Variants in JPH1 observed in about 807,000 individuals in gnomAD.
JPH1 encodes the protein junctophilin-1.
A neutral mutation model predicts 53.6 loss-of-function variants in JPH1; 12 were observed. That is an observed-to-expected ratio of 0.22 (90% CI 0.14 to 0.36). The LOEUF (loss-of-function observed/expected upper bound fraction) is 0.36. JPH1 is among the 10% of genes least tolerant of loss of function. The probability of loss-of-function intolerance (pLI) is 1.00; values close to 1 mark genes in which losing one functional copy is unlikely to be tolerated. For synonymous variants in JPH1, 375 were observed against 363.8 expected, an observed-to-expected ratio of 1.03 and a Z score of -0.35; for missense variants, 808 against 905.5, an observed-to-expected ratio of 0.89 and a Z score of 1.38.
chr8:74,265,547 T>C (rs1421648172), intron 2 of JPH1, among the ~76,000 whole-genome samples: 1 of 152,192 alleles, frequency 6.6e-6, no homozygotes, highest in Non-Finnish European at 1.5e-5. Context: ...AAAAATCTGA[T>C]GTAGAAATAT....
chr8:74,261,700 TC>T (rs1323729585), intron 2 of JPH1, among the ~76,000 whole-genome samples: 2 of 152,138 alleles, frequency 1.3e-5, no homozygotes, highest in East Asian at 3.9e-4. Flanking sequence ...TAAACTTTTT[TC>T]CCCCAAATGA....
intron 2 of JPH1, among the ~76,000 whole-genome samples, chr8:74,279,767 T>C (rs541254991): frequency 6.6e-6 from 1 of 152,346 alleles, no homozygotes; most frequent in African/African-American, 2.4e-5. Context: ...ACCCCTTGGC[T>C]TTCCCCTGCC....
intron 3 of JPH1, among the ~76,000 whole-genome samples, chr8:74,250,504 C>T (rs1255132657): frequency 1.3e-5 from 2 of 152,248 alleles, no homozygotes; most frequent in East Asian, 3.8e-4. Flanking sequence ...CAGGAAGGGG[C>T]AGGGCCCCGG....
chr8:74,306,067 T>C (rs1211480942), intron 2 of JPH1, among the ~76,000 whole-genome samples: 1 of 152,210 alleles, frequency 6.6e-6, no homozygotes, highest in Non-Finnish European at 1.5e-5. Context: ...AAGGAGGTTT[T>C]ACAAGGCTGT....
At chr8:74,285,924 G>A (rs761391772) in intron 2 of JPH1, among the ~76,000 whole-genome samples, 1 of 152,212 alleles carries the variant, frequency 6.6e-6, no homozygotes, top group Non-Finnish European at 1.5e-5. Context: ...GTCAGCTGGA[G>A]TGAGGAGGAG....
intron 3 of JPH1, among the ~76,000 whole-genome samples, chr8:74,252,515 T>C (rs1046924345): frequency 8.5e-5 from 13 of 152,076 alleles, no homozygotes; most frequent in African/African-American, 2.9e-4. Flanking sequence ...GCTAACATCA[T>C]AATGACAGGA....
intron 2 of JPH1, among the ~76,000 whole-genome samples, chr8:74,281,440 C>T (rs1286498343): frequency 1.3e-5 from 2 of 152,208 alleles, no homozygotes; most frequent in Non-Finnish European, 2.9e-5. Context: ...ACTAAGTGGA[C>T]AGATGTGTCT....
intron 2 of JPH1, among the ~76,000 whole-genome samples, chr8:74,298,936 A>G (rs1432011820): frequency 1.3e-5 from 2 of 152,226 alleles, no homozygotes; most frequent in Non-Finnish European, 2.9e-5. Flanking sequence ...CGAAACATCA[A>G]CCCAGAATAT....
intron 2 of JPH1, among the ~76,000 whole-genome samples, chr8:74,262,514 C>T (rs745345367): frequency 6.6e-6 from 1 of 152,122 alleles, no homozygotes; most frequent in Non-Finnish European, 1.5e-5. Flanking sequence ...AAGGGGAATA[C>T]GTGCCCCAAA....
intron 3 of JPH1, among the ~76,000 whole-genome samples, chr8:74,251,927 C>T (rs556226530): frequency 2.0e-5 from 3 of 152,266 alleles, no homozygotes; most frequent in Admixed American, 6.5e-5. Context: ...AACTATACTA[C>T]AAGGCTACAG....
chr8:74,297,742 T>C (rs1586765776), intron 2 of JPH1, among the ~76,000 whole-genome samples: 2 of 152,340 alleles, frequency 1.3e-5, no homozygotes, highest in East Asian at 3.9e-4. Flanking sequence ...CAAAGAAAGT[T>C]ATAGATGTGA....
At chr8:74,312,662 C>T (rs1184993474) in intron 2 of JPH1, among the ~76,000 whole-genome samples, 3 of 152,166 alleles carry the variant, frequency 2.0e-5, no homozygotes, top group Non-Finnish European at 4.4e-5. Context: ...ATCTGTTGAA[C>T]AGCAACCCTC....
chr8:74,249,871 C>T, intron 3 of JPH1, among the ~76,000 whole-genome samples: 1 of 151,942 alleles, frequency 6.6e-6, no homozygotes, highest in Non-Finnish European at 1.5e-5. Flanking sequence ...CTAAAGACTT[C>T]ACTCTAAATA....
chr8:74,302,668 G>A (rs969099103), intron 2 of JPH1, among the ~76,000 whole-genome samples: 2 of 152,108 alleles, frequency 1.3e-5, no homozygotes, highest in African/African-American at 4.8e-5. Context: ...GGTGCAAAGA[G>A]CTCCAGGAAA....
At chr8:74,252,360 G>T (rs1380764073) in intron 3 of JPH1, among the ~76,000 whole-genome samples, 1 of 152,120 alleles carries the variant, frequency 6.6e-6, no homozygotes, top group Non-Finnish European at 1.5e-5. Flanking sequence ...CACAGCAAAA[G>T]AAACTACCAT....
At chr8:74,295,880 C>T (rs781354642) in intron 2 of JPH1, among the ~76,000 whole-genome samples, 2 of 152,100 alleles carry the variant, frequency 1.3e-5, no homozygotes, top group African/African-American at 2.4e-5. Context: ...TTGGTTTTAG[C>T]TCAAACCACT....
At chr8:74,276,141 G>A (rs565010040) in intron 2 of JPH1, among the ~76,000 whole-genome samples, 171 of 152,268 alleles carry the variant, frequency 1.1e-3, no homozygotes, top group African/African-American at 4.0e-3. Flanking sequence ...TTCTTTTAAG[G>A]AGGCCAGGAG....
rs1806982073 is a variant in JPH1, at chr8:74,235,777, T to TGA, written c.*1273_*1274insTC. ...GACACATATTTAAAATAAAAATGTC[T>TGA]AAGCCTTTAAAATGTGAAATGAAAT... On this transcript the variant is annotated 3_prime_UTR_variant, in exon 6 of 6. Transcript: ENST00000342232. The TGA allele has an allele frequency of 6.6e-6, 1 of 152,614 alleles. No homozygotes were observed. The highest frequency in any genetic ancestry group is 1.5e-5 in the Non-Finnish European group (1 of 68,040). 9.5% of individuals were successfully genotyped at this position (152,614 alleles called of 1,614,324 possible).
intron 2 of JPH1, among the ~76,000 whole-genome samples, chr8:74,310,821 G>T (rs1197112454): frequency 6.6e-6 from 1 of 152,202 alleles, no homozygotes; most frequent in Non-Finnish European, 1.5e-5. Flanking sequence ...GTACAAGGGT[G>T]CGTCCATTTC....
Sources: allele counts gnomAD v4.1 joint callset (sites outside exome capture counted in the v4.1 genomes callset), GRCh38; gene constraint gnomAD v4.1.1; transcripts MANE v1.5; gene names NCBI Gene and HGNC (gene_info 2026-07-23, HGNC 2026-07-21).